Variants in GALNT18 observed in about 807,000 individuals in gnomAD.
The protein encoded by GALNT18 is GalNAc-transferase 18.
Under a neutral mutation model 69.5 loss-of-function variants are expected in GALNT18, and 44 were observed. That is an observed-to-expected ratio of 0.63 (90% CI 0.50 to 0.81). The LOEUF (loss-of-function observed/expected upper bound fraction) is 0.81, where lower values mean the gene tolerates loss of function less well. GALNT18 is among the 40% of genes least tolerant of loss of function. GALNT18 has a pLI of 0.00. For missense variants in GALNT18, 715 were observed against 810.0 expected (o/e 0.88, Z 1.42); for synonymous variants, 364 against 318.2 (o/e 1.14, Z -1.53).
At chr11:11,544,163 T>C (rs185420048) in intron 1 of GALNT18, among the ~76,000 whole-genome samples, 304 of 152,236 alleles carry the variant, frequency 2.0e-3, no homozygotes, top group Non-Finnish European at 3.1e-3. Flanking sequence ...CAAGAGGGTA[T>C]AAATTAGGCC....
chr11:11,418,421 A>C (rs1854916594), intron 3 of GALNT18, among the ~76,000 whole-genome samples: 1 of 152,132 alleles, frequency 6.6e-6, no homozygotes, highest in Non-Finnish European at 1.5e-5. Context: ...CCTAATTAAG[A>C]CGATTCAAAA....
chr11:11,375,436 C>T (rs1853723394), intron 5 of GALNT18, among the ~76,000 whole-genome samples: 1 of 152,192 alleles, frequency 6.6e-6, no homozygotes, highest in Non-Finnish European at 1.5e-5. Flanking sequence ...GAAACAGTTA[C>T]TGTCAATGCA....
chr11:11,544,774 T>A (rs529217466), intron 1 of GALNT18, among the ~76,000 whole-genome samples: 6 of 152,206 alleles, frequency 3.9e-5, no homozygotes, highest in Non-Finnish European at 7.3e-5. Context: ...GAATCTTCAC[T>A]TTCCTTCAAG....
intron 10 of GALNT18, among the ~76,000 whole-genome samples, chr11:11,271,870 T>G (rs1848835288): frequency 6.6e-6 from 1 of 152,214 alleles, no homozygotes. Context: ...ATACTCAGTT[T>G]ATGACCCAAA....
intron 1 of GALNT18, among the ~76,000 whole-genome samples, chr11:11,498,390 C>T (rs1278528672): frequency 6.6e-6 from 1 of 152,204 alleles, no homozygotes; most frequent in African/African-American, 2.4e-5. Context: ...GAAATGGGGG[C>T]ACTCAAAGAA....
Position 11,563,802 on chromosome 11 carries a change from C to A in GALNT18, c.235+57557G>T, listed in dbSNP as rs995931497. On this transcript the variant is annotated intron_variant, in intron 1 of 10. Coordinates refer to ENST00000227756, the MANE Select transcript of GALNT18 (RefSeq NM_198516.3). This position sits in a 1 kb window ranked among gnomAD's most constrained non-coding sequence, Gnocchi z 4.6. ...CAAAGCAGCTCTTTTCTATCCAGAA[C>A]TATAAATATCCAGAGAGAGGGAGAC... 2.0e-5 allele frequency among the ~76,000 whole-genome samples: 3 copies of A among 152,214 alleles called. No individual in the cohort carries two copies. The highest frequency in any genetic ancestry group is 7.2e-5 in the African/African-American group (3 of 41,452).
chr11:11,303,362 T>C (rs1025444542), intron 9 of GALNT18, among the ~76,000 whole-genome samples: 11 of 152,182 alleles, frequency 7.2e-5, no homozygotes, highest in Non-Finnish European at 1.3e-4. Context: ...ATGACATGAA[T>C]TGACCTTTCT....
intron 9 of GALNT18, among the ~76,000 whole-genome samples, chr11:11,294,141 AG>A (rs936181820): frequency 6.6e-6 from 1 of 152,142 alleles, no homozygotes; most frequent in African/African-American, 2.4e-5. Flanking sequence ...CAAACCCAAA[AG>A]GAAAAAGGAG....
intron 6 of GALNT18, among the ~76,000 whole-genome samples, chr11:11,358,346 T>C (rs10831603): frequency 0.19 from 26,249 of 139,392 alleles, 6,438 homozygotes; most frequent in Middle Eastern, 0.29. Context: ...CTGTTATTTC[T>C]AATGCCAAAC....
At chr11:11,294,655 C>G (rs1185491887) in intron 9 of GALNT18, among the ~76,000 whole-genome samples, 1 of 151,408 alleles carries the variant, frequency 6.6e-6, no homozygotes, top group Non-Finnish European at 1.5e-5. Context: ...TTCATTAACA[C>G]ATCATTTACA....
At chr11:11,434,928 A>T (rs1226215430) in intron 2 of GALNT18, among the ~76,000 whole-genome samples, 1 of 152,246 alleles carries the variant, frequency 6.6e-6, no homozygotes. Context: ...CAAGACCAGC[A>T]GTTGGGTTTT....
rs1858535044 is a variant in GALNT18 at position 11,562,450 on chromosome 11, G to A, written c.235+58909C>T. Among the ~76,000 whole-genome samples, 1 of 152,058 alleles carries A rather than the reference G, an allele frequency of 6.6e-6. No individual in the cohort carries two copies. The highest frequency in any genetic ancestry group is 2.4e-5 in the African/African-American group (1 of 41,384). ...ATAAGGTTACATTCTGAGGTATTAGGGGTGAGGACTCCAAAATATTGTTTT... is the reference window on the plus strand; with the variant it reads ...ATAAGGTTACATTCTGAGGTATTAGAGGTGAGGACTCCAAAATATTGTTTT... On this transcript the variant is annotated intron_variant, in intron 1 of 10. Coordinates refer to ENST00000227756, the MANE Select transcript of GALNT18 (RefSeq NM_198516.3). The surrounding 1 kb of genome is among the most constrained non-coding windows in gnomAD (Gnocchi z 4.1).
chr11:11,337,983 T>TG lies in GALNT18; in HGVS notation c.1278+2835dup, dbSNP rs901262454. Among the ~76,000 whole-genome samples, 7 of 136,384 alleles carry TG rather than the reference T, an allele frequency of 5.1e-5. No individual in the cohort carries two copies. Among genetic ancestry groups the TG allele is most frequent in the African/African-American group, 1.9e-4 (7 of 37,254 alleles). 89.5% of individuals were successfully genotyped at this position (136,384 alleles called of 152,430 possible). A position where few individuals can be genotyped will look rare whatever the true frequency, so the allele number is the denominator to read the frequency against. On this transcript the variant is annotated intron_variant, in intron 7 of 10. Coordinates refer to ENST00000227756, the MANE Select transcript of GALNT18 (RefSeq NM_198516.3). This position sits in a 1 kb window ranked among gnomAD's most constrained non-coding sequence, Gnocchi z 4.9. ...AAGATTTTTTTTTTTTTTTTTTTTT[T>TG]GAGACAGTCTCGCTCTGTCACCCAG... is the stretch of plus-strand genomic sequence containing the variant.
At chr11:11,489,211 G>C (rs998305191) in intron 1 of GALNT18, among the ~76,000 whole-genome samples, 3 of 152,204 alleles carry the variant, frequency 2.0e-5, no homozygotes, top group African/African-American at 7.2e-5. Flanking sequence ...GTATGAATGG[G>C]GGAGCATTAT....
rs1259389497 is a variant in GALNT18 at position 11,389,991 on chromosome 11, A to C, written c.596-10727T>G. On this transcript the variant is annotated intron_variant, in intron 3 of 10. Transcript: ENST00000227756. This position sits in a 1 kb window ranked among gnomAD's most constrained non-coding sequence, Gnocchi z 4.3. ...ATGATCCTAAAATCTCATGACTGAG[A>C]GCCCAAGAGTTTATGATTCTGAATC... is the stretch of plus-strand genomic sequence containing the variant. 6.6e-6 allele frequency among the ~76,000 whole-genome samples: 1 copy of C among 152,168 alleles called. No homozygotes were observed. The highest frequency in any genetic ancestry group is 1.5e-5 in the Non-Finnish European group (1 of 68,030).
chr11:11,521,578 C>T (rs1465000233), intron 1 of GALNT18, among the ~76,000 whole-genome samples: 1 of 152,224 alleles, frequency 6.6e-6, no homozygotes, highest in African/African-American at 2.4e-5. Context: ...CAGGCAGCCA[C>T]TTTCCTGAGC....
chr11:11,294,261 G>A (rs1233403670), intron 9 of GALNT18, among the ~76,000 whole-genome samples: 3 of 152,228 alleles, frequency 2.0e-5, no homozygotes, highest in African/African-American at 7.2e-5. Flanking sequence ...GACAACACAT[G>A]GGAAATGCTG....
intron 10 of GALNT18, among the ~76,000 whole-genome samples, chr11:11,286,937 G>A (rs1484320892): frequency 6.6e-6 from 1 of 152,050 alleles, no homozygotes; most frequent in African/African-American, 2.4e-5. Flanking sequence ...AGAATTTCAG[G>A]GTCCATAAGC....
chr11:11,560,490 G>A (rs1057148503), intron 1 of GALNT18, among the ~76,000 whole-genome samples: 21 of 152,330 alleles, frequency 1.4e-4, no homozygotes, highest in African/African-American at 4.6e-4. Context: ...GGCTGGGAAC[G>A]TGCAGATCTC....
Sources: allele counts gnomAD v4.1 joint callset (sites outside exome capture counted in the v4.1 genomes callset), GRCh38; gene constraint gnomAD v4.1.1; non-coding constraint Gnocchi (gnomAD v3.1); transcripts MANE v1.5; gene names NCBI Gene and HGNC (gene_info 2026-07-23, HGNC 2026-07-21).